MACROD2: variants seen among roughly 807,000 people sequenced by gnomAD.
MACROD2 encodes the protein ADP-ribose glycohydrolase MACROD2.
Under a neutral mutation model 70.4 loss-of-function variants are expected in MACROD2, and 36 were observed. That is an observed-to-expected ratio of 0.51 (90% CI 0.39 to 0.68). MACROD2 has a LOEUF of 0.68. Ranked by LOEUF, MACROD2 falls within the 30% of genes least tolerant of loss-of-function variation. MACROD2 has a pLI of 0.00. For missense variants in MACROD2, 496 were observed against 538.4 expected, an observed-to-expected ratio of 0.92 and a Z score of 0.78; for synonymous variants, 172 against 178.8, an observed-to-expected ratio of 0.96 and a Z score of 0.30.
intron 5 of MACROD2, among the ~76,000 whole-genome samples, chr20:14,815,209 G>A (rs2072760275): frequency 6.6e-6 from 1 of 152,020 alleles, no homozygotes; most frequent in African/African-American, 2.4e-5. Context: ...CTAGAAAGAT[G>A]TGGTTTCCTG....
intron 5 of MACROD2, among the ~76,000 whole-genome samples, chr20:14,785,745 G>C (rs2072361800): frequency 6.6e-6 from 1 of 152,000 alleles, no homozygotes; most frequent in African/African-American, 2.4e-5. Flanking sequence ...GGCAGACCAG[G>C]GGTAATCTGG....
rs556585598 is a variant in MACROD2 at position 15,699,839 on chromosome 20, C to T, written c.646-162906C>T. ...ATTCCTTCTCCCTGTGGAGTTTTACCCCCTGCTCCTCTGGCCATCCTTCCA... is the reference window on the plus strand; with the variant it reads ...ATTCCTTCTCCCTGTGGAGTTTTACTCCCTGCTCCTCTGGCCATCCTTCCA... On this transcript the variant is annotated intron_variant, in intron 8 of 17. Transcript: ENST00000684519. Among the ~76,000 whole-genome samples, 323 of 152,242 alleles carry T rather than the reference C, an allele frequency of 2.1e-3. 3 individuals are homozygous for T. The highest frequency in any genetic ancestry group is 7.1e-3 in the African/African-American group (294 of 41,552).
At chr20:15,722,504 T>C (rs1293945938) in intron 8 of MACROD2, among the ~76,000 whole-genome samples, 2 of 152,248 alleles carry the variant, frequency 1.3e-5, no homozygotes, top group Non-Finnish European at 2.9e-5. Context: ...AGCACTATAT[T>C]AATCACTTGG....
intron 8 of MACROD2, among the ~76,000 whole-genome samples, chr20:15,504,745 G>A (rs143518666): frequency 1.3e-5 from 2 of 152,228 alleles, no homozygotes; most frequent in African/African-American, 4.8e-5. Context: ...ATTGACAGCA[G>A]GTAGCATGAT....
intron 5 of MACROD2, among the ~76,000 whole-genome samples, chr20:14,759,149 T>C (rs1568779777): frequency 6.6e-6 from 1 of 152,150 alleles, no homozygotes; most frequent in Non-Finnish European, 1.5e-5. Context: ...AATTTTCAAG[T>C]CATTAGCACA....
chr20:14,048,349 T>C (rs2053509491), intron 2 of MACROD2, among the ~76,000 whole-genome samples: 2 of 152,200 alleles, frequency 1.3e-5, no homozygotes, highest in South Asian at 4.1e-4. Context: ...TCTATCTCAT[T>C]GTCTGGTTGT....
At chr20:15,910,897 C>T (rs1039312804) in intron 10 of MACROD2, among the ~76,000 whole-genome samples, 2 of 152,138 alleles carry the variant, frequency 1.3e-5, no homozygotes, top group African/African-American at 2.4e-5. Flanking sequence ...GCTAATTTAC[C>T]AGTTGCATCA....
intron 8 of MACROD2, among the ~76,000 whole-genome samples, chr20:15,596,696 A>G (rs1407290334): frequency 6.6e-6 from 1 of 152,200 alleles, no homozygotes; most frequent in Non-Finnish European, 1.5e-5. Context: ...TTGGTTCATT[A>G]TATGTGCATT....
intron 2 of MACROD2, among the ~76,000 whole-genome samples, chr20:14,067,123 G>GTTTTT (rs544348706): frequency 0.02 from 1,725 of 84,988 alleles, 81 homozygotes; most frequent in Non-Finnish European, 0.032. Context: ...ATTTTTTAGT[G>GTTTTT]TTTTTTTTTT....
At chr20:14,424,521 GA>G (rs2083913205) in intron 3 of MACROD2, among the ~76,000 whole-genome samples, 2 of 152,140 alleles carry the variant, frequency 1.3e-5, no homozygotes, top group African/African-American at 4.8e-5. Context: ...AAGTAATTTT[GA>G]AGAGTCAGAC....
chr20:15,047,286 G>A (rs909702163), intron 5 of MACROD2, among the ~76,000 whole-genome samples: 3 of 152,072 alleles, frequency 2.0e-5, no homozygotes, highest in Admixed American at 6.6e-5. Context: ...TGCAGCTGGC[G>A]TTTCCTTCTG....
chr20:15,477,828 A>G (rs1000626516), intron 7 of MACROD2, among the ~76,000 whole-genome samples: 11 of 152,206 alleles, frequency 7.2e-5, no homozygotes, highest in Non-Finnish European at 1.5e-4. Context: ...TGTGATCGCA[A>G]TGGTCCTTAT....
At chr20:15,348,140 T>C (rs757832110) in intron 6 of MACROD2, among the ~76,000 whole-genome samples, 32 of 152,188 alleles carry the variant, frequency 2.1e-4, no homozygotes, top group Admixed American at 7.9e-4. Flanking sequence ...GGCCTGACCA[T>C]GAGAACCTGA....
At chr20:15,194,624 G>A (rs907005951) in intron 5 of MACROD2, among the ~76,000 whole-genome samples, 3 of 151,932 alleles carry the variant, frequency 2.0e-5, no homozygotes, top group Admixed American at 2.0e-4. Context: ...TGCAGAGTTG[G>A]TGCTCTTTAC....
rs57402806 is a variant in MACROD2 at position 15,636,076 on chromosome 20, G to GAAAAAA, written c.645+136240_645+136245dup. On this transcript the variant is annotated intron_variant, in intron 8 of 17. Coordinates refer to ENST00000684519, the MANE Select transcript of MACROD2 (RefSeq NM_001351661.2). The stretch of plus-strand genomic sequence containing the variant: ...GACAGAGCGAGGCTCCCTCTCAAAA[G>GAAAAAA]AAAAAAAAAAAAAAAAGAAAGAAAA... Among the ~76,000 whole-genome samples the GAAAAAA allele has an allele frequency of 3.5e-4, 30 of 85,818 alleles. 2 individuals are homozygous for GAAAAAA. Among genetic ancestry groups the GAAAAAA allele is most frequent in the South Asian group, 1.2e-3 (2 of 1,666 alleles). The allele number at this position is 85,818 out of a possible 152,430, so 56.3% of individuals were successfully genotyped here.
In MACROD2 at chr20:14,545,158, C is replaced by G. The variant is rs77597463; in HGVS notation, c.301+51650C>G. The stretch of plus-strand genomic sequence containing the variant: ...AGAAGCCTGTCTAGGAAAAAAGACA[C>G]TGTGGTCTCTGCCCACTCATACACA... On this transcript the variant is annotated intron_variant, in intron 4 of 17. Transcript: ENST00000684519. 2.3e-4 allele frequency among the ~76,000 whole-genome samples: 35 copies of G among 152,284 alleles called. No homozygotes were observed. In the East Asian group the frequency reaches 6.8e-3, roughly 29 times the overall value.
chr20:15,135,277 A>G (rs1051978839), intron 5 of MACROD2, among the ~76,000 whole-genome samples: 73 of 151,436 alleles, frequency 4.8e-4, no homozygotes, highest in Admixed American at 2.0e-3. Flanking sequence ...AGAATTTTAG[A>G]CCAATATCCT....
intron 8 of MACROD2, among the ~76,000 whole-genome samples, chr20:15,557,880 C>G (rs1393147583): frequency 6.6e-6 from 1 of 152,156 alleles, no homozygotes; most frequent in South Asian, 2.1e-4. Flanking sequence ...TCATCCCCAG[C>G]CATGTTATGT....
chr20:14,971,450 A>G (rs1342638691), intron 5 of MACROD2, among the ~76,000 whole-genome samples: 5 of 151,518 alleles, frequency 3.3e-5, no homozygotes, highest in African/African-American at 9.7e-5. Flanking sequence ...AGGTAAAGGG[A>G]GGGGGGGGAC....
Sources: allele counts gnomAD v4.1 joint callset (sites outside exome capture counted in the v4.1 genomes callset), GRCh38; gene constraint gnomAD v4.1.1; transcripts MANE v1.5; gene names NCBI Gene and HGNC (gene_info 2026-07-23, HGNC 2026-07-21).